TCF20: variants seen among roughly 807,000 people sequenced by gnomAD.
TCF20 encodes SPRE-binding protein.
Under a neutral mutation model 148.6 loss-of-function variants are expected in TCF20, and 3 were observed. That is an observed-to-expected ratio of 0.02 (90% CI 0.01 to 0.05). The LOEUF is 0.05. Among genes scored for constraint, TCF20 ranks in the 10% least tolerant of loss-of-function variants. The pLI, the probability that TCF20 is intolerant of heterozygous loss-of-function variation, is 1.00. For missense variants in TCF20, 2,350 were observed against 2,429.3 expected (o/e 0.97, Z 0.69); for synonymous variants, 1,049 against 909.5 (o/e 1.15, Z -2.76).
intron 1 of TCF20, among the ~76,000 whole-genome samples, chr22:42,240,298 CACCA>C (rs1256279772): frequency 2.6e-5 from 4 of 152,150 alleles, no homozygotes; most frequent in Non-Finnish European, 5.9e-5. Context: ...TTAAAGCACC[CACCA>C]ACCAATACCA....
chr22:42,331,033 C>T (rs991596201), intron 1 of TCF20, among the ~76,000 whole-genome samples: 11 of 152,254 alleles, frequency 7.2e-5, no homozygotes, highest in Non-Finnish European at 1.0e-4. Context: ...CAGGGCTGCT[C>T]GGGGCTGGGG....
chr22:42,230,918 G>C (rs1476343448), intron 1 of TCF20, among the ~76,000 whole-genome samples: 1 of 152,154 alleles, frequency 6.6e-6, no homozygotes, highest in East Asian at 1.9e-4. Flanking sequence ...CAGTACTTTG[G>C]AAGGCCAAGG....
At chr22:42,195,928 T>TCA (rs60555646) in intron 2 of TCF20, among the ~76,000 whole-genome samples, 6,327 of 152,282 alleles carry the variant, frequency 0.042, 435 homozygotes, top group African/African-American at 0.14. Flanking sequence ...CCTGCACTGA[T>TCA]CACCCCCCAT....
rs151190006 is a variant in TCF20, at chr22:42,242,202, C to CAAAA, written c.-36-26865_-36-26862dup. ...TGGGCGACAGAGCGAGACTTCGCCT[C>CAAAA]AAAAAAAAAAAAAAAAAAAAAAAAA... On this transcript the variant is annotated intron_variant, in intron 1 of 5. Transcript: ENST00000677622. 1.1e-3 allele frequency among the ~76,000 whole-genome samples: 68 copies of CAAAA among 59,810 alleles called. 2 individuals are homozygous for CAAAA. Among genetic ancestry groups the CAAAA allele is most frequent in the African/African-American group, 4.2e-3 (46 of 11,036 alleles). The allele number at this position is 59,810 out of a possible 152,430, so 39.2% of individuals were successfully genotyped here.
At chr22:42,312,671 C>T (rs1431807718) in intron 1 of TCF20, among the ~76,000 whole-genome samples, 1 of 152,130 alleles carries the variant, frequency 6.6e-6, no homozygotes, top group Admixed American at 6.5e-5. Context: ...GCCTGGCAAT[C>T]CCATTGCTGT....
At chr22:42,186,492 A>G (rs1234705224) in intron 2 of TCF20, among the ~76,000 whole-genome samples, 1 of 152,162 alleles carries the variant, frequency 6.6e-6, no homozygotes, top group Admixed American at 6.5e-5. Flanking sequence ...CAGATATAAT[A>G]CAAAGTACAG....
intron 1 of TCF20, among the ~76,000 whole-genome samples, chr22:42,215,731 A>G (rs1398951206): frequency 1.3e-5 from 2 of 152,130 alleles, no homozygotes; most frequent in Non-Finnish European, 2.9e-5. Context: ...TCGGCCTCCC[A>G]AAGTGCTGGA....
chr22:42,186,211 G>A (rs1051843590), intron 2 of TCF20, among the ~76,000 whole-genome samples: 1 of 152,190 alleles, frequency 6.6e-6, no homozygotes, highest in Non-Finnish European at 1.5e-5. Flanking sequence ...TGTGCATACT[G>A]TCCAGGTATG....
chr22:42,288,016 A>G (rs1228646572), upstream of TCF20, among the ~76,000 whole-genome samples: 1 of 152,206 alleles, frequency 6.6e-6, no homozygotes, highest in Non-Finnish European at 1.5e-5. Flanking sequence ...CTGGGCAAAG[A>G]GGAGGCAGGC....
chr22:42,208,007 C>CA (rs1431594369), intron 2 of TCF20, among the ~76,000 whole-genome samples: 2 of 152,112 alleles, frequency 1.3e-5, no homozygotes, highest in Non-Finnish European at 2.9e-5. Flanking sequence ...GCCTGGGCAA[C>CA]AAAGTGAGAT....
rs368141099 is a variant in TCF20, at chr22:42,213,725, T to C, written c.1581A>G (p.Ser527=). 3.0e-5 allele frequency: 48 copies of C among 1,613,972 alleles called. No individual in the cohort carries two copies. The highest frequency in any genetic ancestry group is 4.5e-5 in the East Asian group (2 of 44,890). ...GCCGCACTCTCTCGCCTTGATCCTC[T>C]GAACTGCTGGAGCAGCCTCCATCTA... ...ESLDGGCSSS[S]EDQGERVRQL... is the part of the protein sequence containing the mutation. Residue 527 remains serine, a synonymous_variant, in exon 2 of 6, where the codon TCA becomes TCG. Transcript: ENST00000677622.
chr22:42,225,599 C>T (rs1922812894), intron 1 of TCF20, among the ~76,000 whole-genome samples: 1 of 135,492 alleles, frequency 7.4e-6, no homozygotes, highest in African/African-American at 2.8e-5. Flanking sequence ...CCGGCCTGGG[C>T]GACAGAGCGA....
At chr22:42,318,685 G>A (rs1927679064) in intron 1 of TCF20, among the ~76,000 whole-genome samples, 1 of 152,196 alleles carries the variant, frequency 6.6e-6, no homozygotes, top group South Asian at 2.1e-4. Flanking sequence ...CCAGCCACCA[G>A]GCTGCAGGTG....
At chr22:42,313,789 A>C (rs1263937938) in intron 1 of TCF20, among the ~76,000 whole-genome samples, 1 of 152,034 alleles carries the variant, frequency 6.6e-6, no homozygotes, top group African/African-American at 2.4e-5. Context: ...TAGTAGAGAC[A>C]GGGTTTCGCC....
intron 1 of TCF20, among the ~76,000 whole-genome samples, chr22:42,262,640 G>A (rs1340453239): frequency 1.3e-5 from 2 of 151,992 alleles, no homozygotes; most frequent in African/African-American, 4.8e-5. Context: ...CACCGAGGGA[G>A]AAAGGACACT....
chr22:42,187,620 G>A (rs1478554262), intron 2 of TCF20, among the ~76,000 whole-genome samples: 2 of 152,170 alleles, frequency 1.3e-5, no homozygotes, highest in Admixed American at 1.3e-4. Context: ...AAGAAAGCCC[G>A]TTCCCTTATT....
At chr22:42,237,622 T>C (rs1368896337) in intron 1 of TCF20, among the ~76,000 whole-genome samples, 1 of 152,240 alleles carries the variant, frequency 6.6e-6, no homozygotes, top group Non-Finnish European at 1.5e-5. Flanking sequence ...TTATTATGTA[T>C]AGCAGCTAGA....
chr22:42,180,145 A>T (rs936369018), intron 2 of TCF20, among the ~76,000 whole-genome samples: 3 of 152,094 alleles, frequency 2.0e-5, no homozygotes, highest in African/African-American at 7.2e-5. Flanking sequence ...TTATATATAA[A>T]CCTTTTAGAA....
chr22:42,288,715 C>CAAAAAAAAAAAAAAA (rs60058670), upstream of TCF20, among the ~76,000 whole-genome samples: 1 of 85,304 alleles, frequency 1.2e-5, no homozygotes, highest in African/African-American at 5.5e-5. Context: ...GACCCTGTAT[C>CAAAAAAAAAAAAAAA]AAAAAAAAAA....
Sources: gnomAD v4.1 joint callset for allele counts (sites outside exome capture counted in the v4.1 genomes callset) on GRCh38, gnomAD v4.1.1 for gene constraint, MANE v1.5 for transcripts, NCBI Gene and HGNC (gene_info 2026-07-23, HGNC 2026-07-21) for gene names.